Variants in PIK3R2 observed in about 807,000 individuals in gnomAD.
The protein encoded by PIK3R2 is phosphoinositide-3-kinase regulatory subunit 2.
PIK3R2 carries 40 observed loss-of-function variants against 78.5 expected under a neutral mutation model. The observed-to-expected ratio is 0.51, with a 90% CI of 0.40 to 0.66. PIK3R2 has a LOEUF of 0.66. PIK3R2 is among the 30% of genes least tolerant of loss of function. The pLI is 0.00. For missense variants in PIK3R2, 880 were observed against 1,026.6 expected (o/e 0.86, Z 1.95); for synonymous variants, 473 against 457.7 (o/e 1.03, Z -0.43).
chr19:18,169,879 G>A lies in PIK3R2; in HGVS notation c.*585G>A. On this transcript the variant is annotated 3_prime_UTR_variant, in exon 16 of 16. Transcript: ENST00000222254. The stretch of plus-strand genomic sequence containing the variant: ...GCCACCGGGTTACCCCCACAAGGGG[G>A]CCGCTGCGAGAAGTTCACCCACCCC... The A allele has an allele frequency of 1.0e-5, 2 of 200,442 alleles. No individual in the cohort carries two copies. The highest frequency in any genetic ancestry group is 2.1e-5 in the Non-Finnish European group (2 of 96,792). 12.4% of individuals were successfully genotyped at this position (200,442 alleles called of 1,614,324 possible).
intron 1 of PIK3R2, 70 bp downstream of exon 1, chr19:18,153,364 G>A (rs957175491): frequency 1.3e-5 from 2 of 152,778 alleles, no homozygotes; most frequent in Admixed American, 1.3e-4. Flanking sequence ...CCCGGGGGCA[G>A]TGCCGGGCCC....
At chr19:18,160,116 C>G (rs527909138) in intron 2 of PIK3R2, among the ~76,000 whole-genome samples, 1 of 152,204 alleles carries the variant, frequency 6.6e-6, no homozygotes, top group East Asian at 1.9e-4. Context: ...TGTACAGATT[C>G]TTGCTTTCCT....
Position 18,161,624 on chromosome 19 carries a change from T to G in PIK3R2, c.815+129T>G. On this transcript the variant is annotated intron_variant, in intron 6 of 15. Coordinates refer to ENST00000222254, the MANE Select transcript of PIK3R2 (RefSeq NM_005027.4). This position sits in a 1 kb window ranked among gnomAD's most constrained non-coding sequence, Gnocchi z 5.3. The stretch of plus-strand genomic sequence containing the variant: ...ATGGGGTCCAGAGTGAGAAGCTGCG[T>G]TCTTGTGATGACGGAGCGGAGACCT... 2.1e-6 allele frequency: 1 copy of G among 485,604 alleles called. No individual in the cohort carries two copies. The highest frequency in any genetic ancestry group is 3.5e-6 in the Non-Finnish European group (1 of 285,478). 30.1% of individuals were successfully genotyped at this position (485,604 alleles called of 1,614,324 possible). A position where few individuals can be genotyped will look rare whatever the true frequency, so the allele number is the denominator to read the frequency against.
At chr19:18,164,913 A>G (rs972786839) in intron 11 of PIK3R2, among the ~76,000 whole-genome samples, 7 of 147,998 alleles carry the variant, frequency 4.7e-5, no homozygotes, top group African/African-American at 1.5e-4. Flanking sequence ...AAAAAAAAAA[A>G]AGAAAAAAAA....
chr19:18,165,524 C>G (rs1264815747), intron 11 of PIK3R2, among the ~76,000 whole-genome samples: 1 of 152,172 alleles, frequency 6.6e-6, no homozygotes, highest in African/African-American at 2.4e-5. Flanking sequence ...AAGAGCAAGA[C>G]TCCATCTCAA....
chr19:18,169,815 C>G lies in PIK3R2; in HGVS notation c.*521C>G, dbSNP rs776189675. On this transcript the variant is annotated 3_prime_UTR_variant, in exon 16 of 16. Transcript: ENST00000222254. ...TCGGGGCCGGGCGGGACCCGCCCCA[C>G]AGACTCCAACTTCCCCTCCAAACCC... is the stretch of plus-strand genomic sequence containing the variant. 3.8e-4 allele frequency: 78 copies of G among 206,352 alleles called. 1 individual carries two copies. The highest frequency in any genetic ancestry group is 6.5e-4 in the Non-Finnish European group (65 of 100,652). The allele number at this position is 206,352 out of a possible 1,614,324, so 12.8% of individuals were successfully genotyped here. A position where few individuals can be genotyped will look rare whatever the true frequency, so the allele number is the denominator to read the frequency against.
In PIK3R2 at chr19:18,167,069, G is replaced by T; in HGVS notation, c.1560-61G>T. The stretch of plus-strand genomic sequence containing the variant: ...GAGGGTCACCTGAGCCCAGGAGTTT[G>T]AGGGTGCAGTGAGCCGAGATAAAAC... On this transcript the variant is annotated intron_variant, in intron 12 of 15. Transcript: ENST00000222254. The surrounding 1 kb of genome is among the most constrained non-coding windows in gnomAD (Gnocchi z 4.5). 1 of 1,417,020 alleles carries T rather than the reference G, an allele frequency of 7.1e-7. No individual in the cohort carries two copies. The highest frequency in any genetic ancestry group is 2.7e-5 in the East Asian group (1 of 36,608). 87.8% of individuals were successfully genotyped at this position (1,417,020 alleles called of 1,614,324 possible).
intron 1 of PIK3R2, 92 bp from the exon 2 acceptor site, chr19:18,155,365 C>G (rs1043018675): frequency 8.4e-6 from 3 of 355,316 alleles, no homozygotes; most frequent in African/African-American, 6.3e-5. Context: ...CCCAGTGATT[C>G]AGGGAATTCC....
rs1412727503 is a variant in PIK3R2, at chr19:18,161,520, C to T, written c.815+25C>T. The T allele has an allele frequency of 2.1e-6, 1 of 474,252 alleles. No homozygotes were observed. Among genetic ancestry groups the T allele is most frequent in the Non-Finnish European group, 3.0e-6 (1 of 329,016 alleles). The allele number at this position is 474,252 out of a possible 1,614,324, so 29.4% of individuals were successfully genotyped here. On this transcript the variant is annotated intron_variant, in intron 6 of 15. Coordinates refer to ENST00000222254, the MANE Select transcript of PIK3R2 (RefSeq NM_005027.4). The surrounding 1 kb of genome is among the most constrained non-coding windows in gnomAD (Gnocchi z 5.3). The stretch of plus-strand genomic sequence containing the variant: ...GGTGAGGGGCGGGGCGGAGCCGGAG[C>T]GAGCAGGGGTGGAGTTTGGGGTGGG...
In PIK3R2 at chr19:18,153,179, T is replaced by TGGC. The variant is rs1484121767; in HGVS notation, c.-530_-528dup. 1.3e-5 allele frequency: 2 copies of TGGC among 153,352 alleles called. No individual in the cohort carries two copies. Among genetic ancestry groups the TGGC allele is most frequent in the Non-Finnish European group, 2.9e-5 (2 of 68,384 alleles). The allele number at this position is 153,352 out of a possible 1,614,324, so 9.5% of individuals were successfully genotyped here. A position where few individuals can be genotyped will look rare whatever the true frequency, so the allele number is the denominator to read the frequency against. On this transcript the variant is annotated 5_prime_UTR_variant, in exon 1 of 16. Transcript: ENST00000222254. Reference sequence around the variant, plus strand: ...GGGCGGGCCAGGCCGCTCGGAACCGTGGCGGCGGCGGAGGCGGGGATCCCG... The same window carrying TGGC: ...GGGCGGGCCAGGCCGCTCGGAACCGTGGCGGCGGCGGCGGAGGCGGGGATCCCG...
At position 18,169,245 on chromosome 19, in the gene PIK3R2, C is replaced by A. The variant is rs763521018; in HGVS notation, c.2138C>A (p.Ala713Glu). 2 of 1,583,204 alleles carry A rather than the reference C, an allele frequency of 1.3e-6. No homozygotes were observed. The highest frequency in any genetic ancestry group is 1.1e-5 in the South Asian group (1 of 89,384). ...AACGACGCGCTCACCGTCACCCTGG[C>A]GCACCCAGTGCGCGCCCCGGGCCCC... is the stretch of plus-strand genomic sequence containing the variant. ...QHNDALTVTL[A>E]HPVRAPGPGP... is the part of the protein sequence containing the mutation. Residue 713 changes from alanine to glutamate, a missense_variant, in exon 16 of 16, where the codon GCG (alanine) becomes GAG (glutamate). Physicochemically the swap from Ala to Glu is moderately radical, Grantham distance 107. Around this residue, in one of 3 missense-constraint regions of PIK3R2, gnomAD observed 268 missense variants for 299.1 expected, o/e 0.90. Transcript: ENST00000222254.
At position 18,161,537 on chromosome 19, in the gene PIK3R2, T is replaced by G. The variant is rs1413389727; in HGVS notation, c.815+42T>G. On this transcript the variant is annotated intron_variant, in intron 6 of 15. Transcript: ENST00000222254. The surrounding 1 kb of genome is among the most constrained non-coding windows in gnomAD (Gnocchi z 5.3). ...AGCCGGAGCGAGCAGGGGTGGAGTT[T>G]GGGGTGGGGCGGGCGGGGCATGGCC... 1.5e-5 allele frequency: 2 copies of G among 134,374 alleles called. No individual in the cohort carries two copies. Among genetic ancestry groups the G allele is most frequent in the Non-Finnish European group, 2.5e-5 (2 of 78,738 alleles). 8.3% of individuals were successfully genotyped at this position (134,374 alleles called of 1,614,324 possible).
chr19:18,164,457 CAT>C lies in PIK3R2; in HGVS notation c.1416+1071_1416+1072del, dbSNP rs528663187. Among the ~76,000 whole-genome samples the C allele has an allele frequency of 1.0e-3, 157 of 152,208 alleles. 1 individual carries two copies. Among genetic ancestry groups the C allele is most frequent in the African/African-American group, 3.6e-3 (151 of 41,536 alleles). The stretch of plus-strand genomic sequence containing the variant: ...AGGAGTTCAAGACTAGCCTGGGTAA[CAT>C]AGCAAGACTTTGTCTCTTAAAAAAA... On this transcript the variant is annotated intron_variant, in intron 11 of 15. Coordinates refer to ENST00000222254, the MANE Select transcript of PIK3R2 (RefSeq NM_005027.4).
chr19:18,161,842 T>G lies in PIK3R2; in HGVS notation c.816-124T>G. ...TCGCACATGTGCCTGTATCATCTCC[T>G]CCTCCGCCCTGCACATACTGTCTCG... On this transcript the variant is annotated intron_variant, in intron 6 of 15. Coordinates refer to ENST00000222254, the MANE Select transcript of PIK3R2 (RefSeq NM_005027.4). The surrounding 1 kb of genome is among the most constrained non-coding windows in gnomAD (Gnocchi z 5.3). 1 of 746,578 alleles carries G rather than the reference T, an allele frequency of 1.3e-6. No homozygotes were observed. Among genetic ancestry groups the G allele is most frequent in the Non-Finnish European group, 2.3e-6 (1 of 438,730 alleles). 46.2% of individuals were successfully genotyped at this position (746,578 alleles called of 1,614,324 possible). A position where few individuals can be genotyped will look rare whatever the true frequency, so the allele number is the denominator to read the frequency against.
At chr19:18,159,633 T>C (rs1265881054) in intron 2 of PIK3R2, among the ~76,000 whole-genome samples, 9 of 150,902 alleles carry the variant, frequency 6.0e-5, no homozygotes, top group Non-Finnish European at 1.3e-4. Context: ...TTAGTAGAGA[T>C]GGGGTTTCAC....
intron 12 of PIK3R2, among the ~76,000 whole-genome samples, chr19:18,166,532 G>C (rs2043812516): frequency 6.6e-6 from 1 of 151,840 alleles, no homozygotes; most frequent in Admixed American, 6.6e-5. Context: ...CCAACATGGT[G>C]AAACCCTGTC....
In PIK3R2 at chr19:18,162,198, C is replaced by G. The variant is rs1464436135; in HGVS notation, c.902-4C>G. 6.5e-7 allele frequency: 1 copy of G among 1,530,678 alleles called. No homozygotes were observed. The highest frequency in any genetic ancestry group is 2.3e-5 in the East Asian group (1 of 44,368). The allele number at this position is 1,530,678 out of a possible 1,614,324, so 94.8% of individuals were successfully genotyped here. On this transcript the variant is annotated splice_polypyrimidine_tract_variant and splice_region_variant and intron_variant, in intron 7 of 15. Transcript: ENST00000222254. ...CAGGATGCATTTGTTTTCCTGTCCC[C>G]CAGCGCTGCCGCCTAAACCCCCCAA...
At chr19:18,154,803 G>A (rs986923024) in intron 1 of PIK3R2, among the ~76,000 whole-genome samples, 5 of 139,500 alleles carry the variant, frequency 3.6e-5, no homozygotes, top group East Asian at 2.0e-4. Flanking sequence ...CTGGCCGGGC[G>A]CGGTGGCTCA....
rs2147960395 is a variant in PIK3R2 at position 18,169,096 on chromosome 19, C to T, written c.1989C>T (p.Gly663=). ...GCYACSVVVD[G]DTKHCVIYRT... ...TCGTCTGCCCCCACAGAGTGGACGGCGACACCAAGCACTGCGTCATCTACC... is the reference window on the plus strand; with the variant it reads ...TCGTCTGCCCCCACAGAGTGGACGGTGACACCAAGCACTGCGTCATCTACC... Residue 663 remains glycine, a synonymous_variant, in exon 16 of 16, where the codon GGC becomes GGT. Coordinates refer to ENST00000222254, the MANE Select transcript of PIK3R2 (RefSeq NM_005027.4). The T allele has an allele frequency of 4.3e-6, 7 of 1,610,222 alleles. No individual in the cohort carries two copies. Among genetic ancestry groups the T allele is most frequent in the Non-Finnish European group, 5.9e-6 (7 of 1,179,150 alleles).
Sources: allele counts gnomAD v4.1 joint callset (sites outside exome capture counted in the v4.1 genomes callset), GRCh38; gene constraint gnomAD v4.1.1; regional missense constraint gnomAD v4.1.1; non-coding constraint Gnocchi (gnomAD v3.1); transcripts MANE v1.5; gene names NCBI Gene and HGNC (gene_info 2026-07-23, HGNC 2026-07-21).